Variants in CLSTN2 observed in about 807,000 individuals in gnomAD.
CLSTN2 encodes calsyntenin 2, also known as calsyntenin-2.
A neutral mutation model predicts 101.2 loss-of-function variants in CLSTN2; 48 were observed. That is an observed-to-expected ratio of 0.47 (90% CI 0.38 to 0.60). The LOEUF is 0.60. Ranked by LOEUF, CLSTN2 falls within the 20% of genes least tolerant of loss-of-function variation. CLSTN2 has a pLI of 0.00. For synonymous variants in CLSTN2, 481 were observed against 463.6 expected (o/e 1.04, Z -0.48); for missense variants, 1,160 against 1,238.2 (o/e 0.94, Z 0.95).
intron 2 of CLSTN2, among the ~76,000 whole-genome samples, chr3:140,291,055 T>C (rs549584451): frequency 6.6e-6 from 1 of 152,284 alleles, no homozygotes; most frequent in East Asian, 1.9e-4. Context: ...ATCCCTACCA[T>C]CCTTCTCAGC....
At chr3:140,478,622 G>A (rs944371097) in intron 8 of CLSTN2, among the ~76,000 whole-genome samples, 9 of 152,084 alleles carry the variant, frequency 5.9e-5, no homozygotes, top group Non-Finnish European at 8.8e-5. Flanking sequence ...GACTTTTTTT[G>A]GATAATGGAA....
intron 2 of CLSTN2, among the ~76,000 whole-genome samples, chr3:140,206,528 C>T (rs963260797): frequency 1.3e-5 from 2 of 152,190 alleles, no homozygotes; most frequent in African/African-American, 4.8e-5. Context: ...CGGCTCTTAT[C>T]AAATATGAGG....
At chr3:140,239,782 G>T (rs929311191) in intron 2 of CLSTN2, among the ~76,000 whole-genome samples, 4 of 152,012 alleles carry the variant, frequency 2.6e-5, no homozygotes, top group Admixed American at 2.6e-4. Context: ...CCAGGCCAGA[G>T]ATTGTGAAAT....
intron 8 of CLSTN2, among the ~76,000 whole-genome samples, chr3:140,527,897 A>G (rs538919129): frequency 1.3e-5 from 2 of 152,176 alleles, no homozygotes; most frequent in African/African-American, 4.8e-5. Context: ...TATAGGAATG[A>G]TAGACACTGG....
intron 4 of CLSTN2, among the ~76,000 whole-genome samples, chr3:140,407,411 A>G (rs1204713814): frequency 1.3e-5 from 2 of 152,002 alleles, no homozygotes; most frequent in Non-Finnish European, 2.9e-5. Flanking sequence ...CCTGTCTTTA[A>G]CCAGAGACTC....
chr3:140,136,639 G>A (rs1272439933), intron 1 of CLSTN2, among the ~76,000 whole-genome samples: 2 of 152,216 alleles, frequency 1.3e-5, no homozygotes, highest in African/African-American at 4.8e-5. Context: ...AACCATCCAT[G>A]TGACTTCAGA....
chr3:140,260,218 G>T (rs2086639812), intron 2 of CLSTN2, among the ~76,000 whole-genome samples: 1 of 150,426 alleles, frequency 6.6e-6, no homozygotes, highest in African/African-American at 2.4e-5. Flanking sequence ...TTCTTTTCTT[G>T]CCATATTACA....
intron 8 of CLSTN2, among the ~76,000 whole-genome samples, chr3:140,500,202 T>TATC (rs1400219006): frequency 6.6e-6 from 1 of 152,188 alleles, no homozygotes; most frequent in East Asian, 1.9e-4. Context: ...TGGAAACAAG[T>TATC]ATCTTTTCTT....
chr3:140,399,760 A>G (rs1234162085), intron 2 of CLSTN2, among the ~76,000 whole-genome samples: 2 of 151,994 alleles, frequency 1.3e-5, no homozygotes, highest in Admixed American at 1.3e-4. Flanking sequence ...CAGGTTTGTT[A>G]CAAAGGTATA....
At chr3:140,435,650 T>C (rs1212304500) in intron 5 of CLSTN2, among the ~76,000 whole-genome samples, 1 of 152,204 alleles carries the variant, frequency 6.6e-6, no homozygotes, top group Non-Finnish European at 1.5e-5. Flanking sequence ...TCAAAACCGT[T>C]CTCCATAGTA....
chr3:140,435,151 G>A (rs935765701), intron 5 of CLSTN2, among the ~76,000 whole-genome samples: 1 of 152,064 alleles, frequency 6.6e-6, no homozygotes, highest in Admixed American at 6.5e-5. Context: ...TCAGATAGTA[G>A]GTCTTACTCA....
chr3:139,981,346 A>C (rs1401000223), intron 1 of CLSTN2, among the ~76,000 whole-genome samples: 1 of 152,212 alleles, frequency 6.6e-6, no homozygotes, highest in Non-Finnish European at 1.5e-5. Context: ...TCAGCCCTAA[A>C]GTTTAAGCTT....
At chr3:140,059,816 A>G (rs1315074043) in intron 1 of CLSTN2, among the ~76,000 whole-genome samples, 1 of 152,204 alleles carries the variant, frequency 6.6e-6, no homozygotes, top group African/African-American at 2.4e-5. Flanking sequence ...GTCTATTAAG[A>G]AGAAATGTCC....
intron 1 of CLSTN2, among the ~76,000 whole-genome samples, chr3:140,067,510 A>C (rs2008319435): frequency 6.6e-6 from 1 of 152,232 alleles, no homozygotes; most frequent in African/African-American, 2.4e-5. Context: ...GCTCTTATTT[A>C]AACCTCGAGA....
Position 140,175,503 on chromosome 3 carries a change from A to T in CLSTN2, c.110-448A>T, listed in dbSNP as rs7628124. On this transcript the variant is annotated intron_variant, in intron 1 of 16. Coordinates refer to ENST00000458420, the MANE Select transcript of CLSTN2 (RefSeq NM_022131.3). ...TGATGGATCAGATTTGGTTGAGGTC[A>T]GAAAGCTGAGCATACATAGTAGTAA... Among the ~76,000 whole-genome samples the T allele has an allele frequency of 3.5e-3, 534 of 152,348 alleles. 3 individuals carry two copies. The highest frequency in any genetic ancestry group is 0.012 in the African/African-American group (507 of 41,594).
At chr3:140,494,483 G>A (rs898079673) in intron 8 of CLSTN2, among the ~76,000 whole-genome samples, 1 of 152,180 alleles carries the variant, frequency 6.6e-6, no homozygotes, top group Admixed American at 6.5e-5. Context: ...AACTTCTGGG[G>A]TACATGTGCA....
intron 4 of CLSTN2, among the ~76,000 whole-genome samples, chr3:140,410,362 C>A (rs1407223386): frequency 1.4e-5 from 2 of 144,086 alleles, no homozygotes; most frequent in East Asian, 2.0e-4. Flanking sequence ...AGAAACCTTG[C>A]AGGCCAGAAA....
intron 10 of CLSTN2, among the ~76,000 whole-genome samples, chr3:140,552,389 A>T (rs1935718793): frequency 7.4e-6 from 1 of 134,312 alleles, no homozygotes; most frequent in South Asian, 2.8e-4. Flanking sequence ...CAGAGCTGGG[A>T]ATACCGCAGT....
At chr3:140,013,903 ATCT>A (rs66561236) in intron 1 of CLSTN2, among the ~76,000 whole-genome samples, 73,377 of 151,776 alleles carry the variant, frequency 0.48, 19,024 homozygotes, top group Middle Eastern at 0.63. Flanking sequence ...CCTGTGTCAC[ATCT>A]TCCTCCCCAG....
Sources: allele counts gnomAD v4.1 joint callset (sites outside exome capture counted in the v4.1 genomes callset), GRCh38; gene constraint gnomAD v4.1.1; transcripts MANE v1.5; gene names NCBI Gene and HGNC (gene_info 2026-07-23, HGNC 2026-07-21).